The following APOL6 variants were observed in gnomAD, a reference collection of about 807,000 sequenced individuals.
APOL6 encodes the protein apolipoprotein L, 6.
APOL6 carries 1 observed loss-of-function variant against 2.4 expected under a neutral mutation model. The ratio of observed to expected loss-of-function variants is 0.41; its 90% CI spans 0.15 to 1.94. The LOEUF (loss-of-function observed/expected upper bound fraction) is 1.94. Among genes scored for constraint, APOL6 ranks in the 30% most tolerant of loss-of-function variants. The pLI is 0.30. For synonymous variants in APOL6, 189 were observed against 169.3 expected (o/e 1.12, Z -0.90); for missense variants, 438 against 429.2 (o/e 1.02, Z -0.18).
At chr22:35,649,290 C>A (rs1448025029) in intron 1 of APOL6, among the ~76,000 whole-genome samples, 1 of 151,852 alleles carries the variant, frequency 6.6e-6, no homozygotes, top group East Asian at 1.9e-4. Context: ...CAAAAAATAG[C>A]TGGGCGTGAT....
intron 2 of APOL6, 53 bp from the exon 3 acceptor site, chr22:35,658,562 G>A: frequency 6.8e-7 from 1 of 1,476,334 alleles, no homozygotes; most frequent in Non-Finnish European, 9.2e-7. Context: ...AGAGCCACAT[G>A]GGTTTTCCCA....
At chr22:35,658,456 G>A (rs577046231) in intron 2 of APOL6, among the ~76,000 whole-genome samples, 159 bp from the exon 3 acceptor site, 4 of 152,242 alleles carry the variant, frequency 2.6e-5, no homozygotes, top group East Asian at 3.9e-4. Flanking sequence ...AGTTTTCAGC[G>A]AAGGCTGAAC....
Position 35,659,587 on chromosome 22 carries a change from G to T in APOL6, c.1023G>T (p.Gln341His), listed in dbSNP as rs1413889792. The T allele has an allele frequency of 3.1e-6, 5 of 1,602,566 alleles. No individual in the cohort carries two copies. The highest frequency in any genetic ancestry group is 1.7e-5 in the Admixed American group (1 of 58,638). The change falls in exon 3 of 3, where the codon CAG (glutamine) becomes CAT (histidine). Residue 341 changes from glutamine (Q) to histidine (H), a missense_variant. By Grantham distance (24) the Gln-to-His change is conservative. Coordinates refer to ENST00000409652, the MANE Select transcript of APOL6 (RefSeq NM_030641.4). ...GTCTGTGTGTCTGTGTGTATGTACA[G>T]TTTACATGAATGTTCCTCAGGACAT... ...CVCLCVCVYV[Q>H]FT is the part of the protein sequence containing the mutation.
At chr22:35,648,869 G>T (rs932063929) in intron 1 of APOL6, among the ~76,000 whole-genome samples, 11 of 152,202 alleles carry the variant, frequency 7.2e-5, no homozygotes, top group South Asian at 2.1e-4. Flanking sequence ...TAAAGCATGC[G>T]ATGTGACTAG....
chr22:35,654,143 A>T (rs1924778217), intron 1 of APOL6, among the ~76,000 whole-genome samples: 1 of 152,302 alleles, frequency 6.6e-6, no homozygotes, highest in East Asian at 1.9e-4. Flanking sequence ...CCCTCCAGGT[A>T]CCTCCATGTG....
Position 35,663,215 on chromosome 22 carries a change from T to A in APOL6, c.*3619T>A, listed in dbSNP as rs1458725340. On this transcript the variant is annotated 3_prime_UTR_variant, in exon 3 of 3. Transcript: ENST00000409652. ...AACAGCCAGCTTAAAAAACTTTTTT[T>A]AAATTTTAATTACTATAGGGGCTTT... The A allele has an allele frequency of 6.6e-5, 10 of 152,352 alleles. No homozygotes were observed. The highest frequency in any genetic ancestry group is 3.9e-4 in the East Asian group (2 of 5,190). 9.4% of individuals were successfully genotyped at this position (152,352 alleles called of 1,614,324 possible).
At chr22:35,648,868 C>T (rs1250919096) in intron 1 of APOL6, among the ~76,000 whole-genome samples, 1 of 152,180 alleles carries the variant, frequency 6.6e-6, no homozygotes, top group African/African-American at 2.4e-5. Context: ...CTAAAGCATG[C>T]GATGTGACTA....
intron 2 of APOL6, among the ~76,000 whole-genome samples, chr22:35,657,848 C>T (rs908065400): frequency 6.6e-5 from 10 of 152,196 alleles, no homozygotes; most frequent in African/African-American, 1.4e-4. Context: ...TGCAGCTCTG[C>T]CTTGAAGGTC....
At chr22:35,648,727 G>C (rs779738891) in intron 1 of APOL6, 104 bp downstream of exon 1, 1 of 152,312 alleles carries the variant, frequency 6.6e-6, no homozygotes, top group Non-Finnish European at 1.5e-5. Context: ...TCAGGGAAAA[G>C]AGCTGCTGTG....
chr22:35,653,961 C>T (rs1379748930), intron 1 of APOL6, among the ~76,000 whole-genome samples: 1 of 152,202 alleles, frequency 6.6e-6, no homozygotes, highest in East Asian at 1.9e-4. Context: ...ACAACTCCCT[C>T]CTCAGTTTCA....
At chr22:35,649,796 G>C (rs975735732) in intron 1 of APOL6, among the ~76,000 whole-genome samples, 2 of 152,164 alleles carry the variant, frequency 1.3e-5, no homozygotes, top group Non-Finnish European at 2.9e-5. Flanking sequence ...TTCCAGACCA[G>C]AGTCTCTTAC....
At position 35,649,149 on chromosome 22, in the gene APOL6, G is replaced by A. The variant is rs141977364; in HGVS notation, c.-48+526G>A. On this transcript the variant is annotated intron_variant, in intron 1 of 2. Transcript: ENST00000409652. The stretch of plus-strand genomic sequence containing the variant: ...GGGAGTTTGTGATAAATATTAGGGC[G>A]ACTAGGCCAGGCGCAGTGGCTCATG... Among the ~76,000 whole-genome samples the A allele has an allele frequency of 8.6e-3, 1,312 of 152,190 alleles. 22 individuals carry two copies. The highest frequency in any genetic ancestry group is 0.03 in the African/African-American group (1,245 of 41,512).
At chr22:35,651,000 T>C (rs930129245) in intron 1 of APOL6, among the ~76,000 whole-genome samples, 4 of 152,102 alleles carry the variant, frequency 2.6e-5, no homozygotes, top group African/African-American at 9.7e-5. Context: ...GGAGGATGTT[T>C]TTTTCTAACT....
Position 35,658,910 on chromosome 22 carries a change from T to A in APOL6, c.346T>A (p.Leu116Met). ...GCTGCTCTCCACCGCTGGTCAAGGT[T>A]TGGCAACAGCAGCTGGGGTCACCAG... The part of the protein sequence containing the change: ...SLLLSTAGQG[L>M]ATAAGVTSIV... The change falls in exon 3 of 3, where the codon TTG (leucine) becomes ATG (methionine). Residue 116 changes from leucine to methionine, a missense_variant. Coordinates refer to ENST00000409652, the MANE Select transcript of APOL6 (RefSeq NM_030641.4). 6.2e-7 allele frequency: 1 copy of A among 1,613,940 alleles called. No individual in the cohort carries two copies. The highest frequency in any genetic ancestry group is 1.3e-5 in the African/African-American group (1 of 74,970).
At chr22:35,651,050 T>G (rs1924676978) in intron 1 of APOL6, among the ~76,000 whole-genome samples, 1 of 152,054 alleles carries the variant, frequency 6.6e-6, no homozygotes, top group African/African-American at 2.4e-5. Context: ...GAAGGGAGGA[T>G]GAGCTGAGGG....
chr22:35,659,093 A>G lies in APOL6; in HGVS notation c.529A>G (p.Thr177Ala). 1 of 1,614,066 alleles carries G rather than the reference A, an allele frequency of 6.2e-7. No homozygotes were observed. Among genetic ancestry groups the G allele is most frequent in the Non-Finnish European group, 8.5e-7 (1 of 1,180,024 alleles). The change falls in exon 3 of 3, where the codon ACC becomes GCC. Residue 177 changes from threonine (T) to alanine (A), a missense_variant. Transcript: ENST00000409652. ...AGKIIYNLRN[T>A]LKYAKKNVRA... ...AAAGATTATCTATAATCTTAGAAAC[A>G]CCTTGAAGTATGCCAAGAAAAACGT...
At chr22:35,648,963 T>C (rs1475388075) in intron 1 of APOL6, among the ~76,000 whole-genome samples, 2 of 152,188 alleles carry the variant, frequency 1.3e-5, no homozygotes, top group Admixed American at 1.3e-4. Context: ...GATGATTACA[T>C]CAGCCACAGG....
In APOL6 at chr22:35,664,894, A is replaced by G. The variant is rs1297329413; in HGVS notation, c.*5298A>G. On this transcript the variant is annotated 3_prime_UTR_variant, in exon 3 of 3. Transcript: ENST00000409652. ...AGGTAAAAGGAACCAGAAAAGAAAA[A>G]AAATGTAAATAAAGTTATAAAAATA... 6.6e-6 allele frequency: 1 copy of G among 151,964 alleles called. No homozygotes were observed. The highest frequency in any genetic ancestry group is 1.5e-5 in the Non-Finnish European group (1 of 67,944). The allele number at this position is 151,964 out of a possible 1,614,324, so 9.4% of individuals were successfully genotyped here. A position where few individuals can be genotyped will look rare whatever the true frequency, so the allele number is the denominator to read the frequency against.
Position 35,659,757 on chromosome 22 carries a change from T to A in APOL6, c.*161T>A. The A allele has an allele frequency of 1.1e-6, 1 of 885,234 alleles. No individual in the cohort carries two copies. Among genetic ancestry groups the A allele is most frequent in the Non-Finnish European group, 1.6e-6 (1 of 621,626 alleles). The allele number at this position is 885,234 out of a possible 1,614,324, so 54.8% of individuals were successfully genotyped here. ...GTGCTGGGAAAAGGGTCTTCCCTGT[T>A]TGTTTGTTTGTTTGTTTGTTTGTTT... On this transcript the variant is annotated 3_prime_UTR_variant, in exon 3 of 3. Transcript: ENST00000409652.
Sources: allele counts gnomAD v4.1 joint callset (sites outside exome capture counted in the v4.1 genomes callset), GRCh38; gene constraint gnomAD v4.1.1; transcripts MANE v1.5; gene names NCBI Gene and HGNC (gene_info 2026-07-23, HGNC 2026-07-21).